The following DHRS7B variants were observed in gnomAD, a reference collection of about 807,000 sequenced individuals.
DHRS7B encodes the protein peroxisomal reductase activating PPAR-gamma.
In DHRS7B, 24 loss-of-function variants were observed where a neutral mutation model predicts 26.4. That is an observed-to-expected ratio of 0.91 (90% confidence interval 0.66 to 1.28). DHRS7B has a LOEUF of 1.28. Ranked by LOEUF, DHRS7B falls within the 50% of genes most tolerant of loss-of-function variation. The pLI is 0.00. For missense variants in DHRS7B, 368 were observed against 419.4 expected, an observed-to-expected ratio of 0.88 and a Z score of 1.07; for synonymous variants, 142 against 166.4, an observed-to-expected ratio of 0.85 and a Z score of 1.13.
At chr17:21,167,509 A>G (rs1378833761) in intron 1 of DHRS7B, among the ~76,000 whole-genome samples, 1 of 152,236 alleles carries the variant, frequency 6.6e-6, no homozygotes, top group East Asian at 1.9e-4. Context: ...CCAAGGACTA[A>G]GAGTGTGACT....
chr17:21,154,589 T>C (rs1973840610), intron 1 of DHRS7B, among the ~76,000 whole-genome samples: 1 of 152,154 alleles, frequency 6.6e-6, no homozygotes, highest in Admixed American at 6.6e-5. Flanking sequence ...GAAACTCTGA[T>C]CTACATAAAA....
chr17:21,186,306 G>A (rs1035371908), intron 5 of DHRS7B, among the ~76,000 whole-genome samples: 1 of 152,246 alleles, frequency 6.6e-6, no homozygotes, highest in East Asian at 1.9e-4. Context: ...GGCCAGCGGC[G>A]AGGTCAGCAC....
At chr17:21,143,682 T>C (rs1335822586) in intron 1 of DHRS7B, among the ~76,000 whole-genome samples, 2 of 152,204 alleles carry the variant, frequency 1.3e-5, no homozygotes, top group South Asian at 2.1e-4. Context: ...TTACAAATTA[T>C]GATAGTAAAA....
intron 1 of DHRS7B, among the ~76,000 whole-genome samples, chr17:21,130,996 A>G (rs942853917): frequency 6.6e-6 from 1 of 152,128 alleles, no homozygotes; most frequent in Non-Finnish European, 1.5e-5. Flanking sequence ...TCTCCCTCCT[A>G]TCTTCTAAAG....
At position 21,150,105 on chromosome 17, in the gene DHRS7B, T is replaced by TAAAAAA. The variant is rs61516968; in HGVS notation, c.21-21891_21-21886dup. Among the ~76,000 whole-genome samples, 448 of 49,978 alleles carry TAAAAAA rather than the reference T, an allele frequency of 9.0e-3. 16 individuals carry two copies. Among genetic ancestry groups the TAAAAAA allele is most frequent in the African/African-American group, 0.032 (428 of 13,242 alleles). 32.8% of individuals were successfully genotyped at this position (49,978 alleles called of 152,430 possible). A position where few individuals can be genotyped will look rare whatever the true frequency, so the allele number is the denominator to read the frequency against. On this transcript the variant is annotated intron_variant, in intron 1 of 6. Coordinates refer to ENST00000395511, the MANE Select transcript of DHRS7B (RefSeq NM_015510.5). Reference sequence around the variant, plus strand: ...AACATAACAAGGCTCCATCTCTATTTAAAAAAAAAAAAAAAAAAAAAAAAA... The same window carrying TAAAAAA: ...AACATAACAAGGCTCCATCTCTATTTAAAAAAAAAAAAAAAAAAAAAAAAAAAAAAA...
chr17:21,136,538 T>G (rs1973345970), intron 1 of DHRS7B, among the ~76,000 whole-genome samples: 1 of 129,790 alleles, frequency 7.7e-6, no homozygotes, highest in Non-Finnish European at 1.8e-5. Context: ...AAAGGTTTTG[T>G]GGGTTTTTTT....
At chr17:21,171,882 T>C in intron 1 of DHRS7B, 136 bp from the exon 2 acceptor site, 1 of 1,094,894 alleles carries the variant, frequency 9.1e-7, no homozygotes. Flanking sequence ...AGGGCCTGGG[T>C]CAATGCTTGC....
chr17:21,181,158 C>G (rs559643526), intron 3 of DHRS7B, among the ~76,000 whole-genome samples: 2 of 152,134 alleles, frequency 1.3e-5, no homozygotes, highest in African/African-American at 4.8e-5. Context: ...GCAATCATGG[C>G]TCACTGCAGC....
intron 1 of DHRS7B, among the ~76,000 whole-genome samples, chr17:21,135,396 A>C (rs765037332): frequency 9.2e-5 from 14 of 152,342 alleles, no homozygotes; most frequent in Admixed American, 2.0e-4. Flanking sequence ...TCAGAAAAAG[A>C]CATAATTTAT....
At chr17:21,168,790 C>T (rs545898618) in intron 1 of DHRS7B, 38 of 985,470 alleles carry the variant, frequency 3.9e-5, no homozygotes, top group East Asian at 1.1e-4. Context: ...ATTCACCCGG[C>T]GCCATGTTTG....
rs896540970 is a variant in DHRS7B at position 21,172,374 on chromosome 17, C to T, written c.199+178C>T. 12 of 663,142 alleles carry T rather than the reference C, an allele frequency of 1.8e-5. No homozygotes were observed. In the Admixed American group the frequency reaches 1.9e-4, roughly 10 times the overall value. The allele number at this position is 663,142 out of a possible 1,614,324, so 41.1% of individuals were successfully genotyped here. A position where few individuals can be genotyped will look rare whatever the true frequency, so the allele number is the denominator to read the frequency against. ...CAAGTGGAAAAAGCAGGAGCCAAGGCACAGTGAGAAATGACTCAGCGTCAG... is the reference window on the plus strand; with the variant it reads ...CAAGTGGAAAAAGCAGGAGCCAAGGTACAGTGAGAAATGACTCAGCGTCAG... On this transcript the variant is annotated intron_variant, in intron 2 of 6. Coordinates refer to ENST00000395511, the MANE Select transcript of DHRS7B (RefSeq NM_015510.5).
intron 3 of DHRS7B, 43 bp from the exon 4 acceptor site, chr17:21,183,551 C>G: frequency 6.3e-7 from 1 of 1,586,400 alleles, no homozygotes; most frequent in Non-Finnish European, 8.6e-7. Flanking sequence ...CTCAGATGGC[C>G]TGCCACTCAG....
chr17:21,140,580 TAGATA>T (rs1973485853), intron 1 of DHRS7B, among the ~76,000 whole-genome samples: 1 of 147,974 alleles, frequency 6.8e-6, no homozygotes, highest in Admixed American at 6.8e-5. Context: ...TTTTTGCCAC[TAGATA>T]AATAGAAATT....
chr17:21,145,024 T>TA (rs931531037), intron 1 of DHRS7B, among the ~76,000 whole-genome samples: 4 of 151,708 alleles, frequency 2.6e-5, no homozygotes, highest in African/African-American at 4.8e-5. Flanking sequence ...TCTAGTGGAT[T>TA]AAAAAAAATC....
In DHRS7B at chr17:21,183,806, G is replaced by A. The variant is rs759497176; in HGVS notation, c.522G>A (p.Thr174=). Residue 174 remains threonine (T), a synonymous_variant, in exon 4 of 7, where the codon ACG becomes ACA. Coordinates refer to ENST00000395511, the MANE Select transcript of DHRS7B (RefSeq NM_015510.5). ...ETNYFGPVAL[T]KALLPSMIKR... ...ACTACTTTGGCCCAGTTGCTCTAAC[G>A]AAAGGTAACAGTCTTGAGAAAAGAG... The A allele has an allele frequency of 4.3e-6, 7 of 1,613,536 alleles. No individual in the cohort carries two copies. Among genetic ancestry groups the A allele is most frequent in the South Asian group, 2.2e-5 (2 of 91,072 alleles).
chr17:21,156,327 C>T (rs1053666812), intron 1 of DHRS7B, among the ~76,000 whole-genome samples: 15 of 152,116 alleles, frequency 9.9e-5, no homozygotes, highest in African/African-American at 3.6e-4. Flanking sequence ...TAAATGTAGC[C>T]GGGCGTGGGG....
chr17:21,141,640 A>AAAAAAAAAG lies in DHRS7B; in HGVS notation c.20+14649_20+14650insAAAAAAAAG. Among the ~76,000 whole-genome samples the AAAAAAAAAG allele has an allele frequency of 5.9e-3, 527 of 90,072 alleles. 97 individuals are homozygous for AAAAAAAAAG. Among genetic ancestry groups the AAAAAAAAAG allele is most frequent in the Non-Finnish European group, 7.6e-3 (369 of 48,486 alleles). 59.1% of individuals were successfully genotyped at this position (90,072 alleles called of 152,430 possible). Reference sequence around the variant, plus strand: ...AAAGCAAAAAAAAAAAAAAAAAAAAACAACCTCATCTCAAACTCCACAAAG... The same window carrying AAAAAAAAAG: ...AAAGCAAAAAAAAAAAAAAAAAAAAAAAAAAAAAGCAACCTCATCTCAAACTCCACAAAG... On this transcript the variant is annotated intron_variant, in intron 1 of 6. Transcript: ENST00000395511.
chr17:21,168,279 A>G (rs866583530), intron 1 of DHRS7B, among the ~76,000 whole-genome samples: 7 of 152,312 alleles, frequency 4.6e-5, no homozygotes, highest in Middle Eastern at 3.4e-3. Flanking sequence ...GCTGGAATTG[A>G]ACCTGATTCT....
intron 2 of DHRS7B, among the ~76,000 whole-genome samples, chr17:21,177,061 G>GC (rs1974395673): frequency 6.6e-6 from 1 of 152,108 alleles, no homozygotes; most frequent in Non-Finnish European, 1.5e-5. Flanking sequence ...GGTTTACCCT[G>GC]CTGCGTCCAG....
Sources: gnomAD v4.1 joint callset for allele counts (sites outside exome capture counted in the v4.1 genomes callset) on GRCh38, gnomAD v4.1.1 for gene constraint, MANE v1.5 for transcripts, NCBI Gene and HGNC (gene_info 2026-07-23, HGNC 2026-07-21) for gene names.